MAPKAP1: variants seen among roughly 807,000 people sequenced by gnomAD.
The protein encoded by MAPKAP1 is MAPK associated protein 1, also known as target of rapamycin complex 2 subunit MAPKAP1.
Under a neutral mutation model 65.7 loss-of-function variants are expected in MAPKAP1, and 20 were observed. The observed-to-expected ratio is 0.30, with a 90% CI of 0.21 to 0.44. The LOEUF is 0.44. MAPKAP1 is among the 20% of genes least tolerant of loss of function. MAPKAP1 has a pLI of 1.00. For missense variants in MAPKAP1, 423 were observed against 648.0 expected, an observed-to-expected ratio of 0.65 and a Z score of 3.77; for synonymous variants, 222 against 244.3, an observed-to-expected ratio of 0.91 and a Z score of 0.85.
At chr9:125,592,247 G>C (rs1331081817) in intron 4 of MAPKAP1, among the ~76,000 whole-genome samples, 1 of 152,164 alleles carries the variant, frequency 6.6e-6, no homozygotes, top group South Asian at 2.1e-4. Flanking sequence ...CAGGCTAAAG[G>C]GGGCTAGTGA....
chr9:125,545,595 C>T (rs1024190515), intron 6 of MAPKAP1, among the ~76,000 whole-genome samples: 4 of 152,222 alleles, frequency 2.6e-5, no homozygotes, highest in Non-Finnish European at 5.9e-5. Flanking sequence ...AAACTGCTTA[C>T]GTTCCCTCCT....
intron 3 of MAPKAP1, among the ~76,000 whole-genome samples, chr9:125,667,101 G>A (rs530836937): frequency 3.6e-4 from 55 of 152,258 alleles, no homozygotes; most frequent in African/African-American, 1.3e-3. Context: ...TGTCTACAAT[G>A]GACAGTATGG....
chr9:125,607,809 C>T (rs1269972764), intron 4 of MAPKAP1, among the ~76,000 whole-genome samples: 1 of 152,200 alleles, frequency 6.6e-6, no homozygotes, highest in Admixed American at 6.5e-5. Context: ...GCATGTGCCA[C>T]CACACCCAGC....
At chr9:125,510,073 A>G (rs375781025) in intron 7 of MAPKAP1, among the ~76,000 whole-genome samples, 5 of 152,158 alleles carry the variant, frequency 3.3e-5, no homozygotes, top group African/African-American at 1.2e-4. Flanking sequence ...TATATACCTT[A>G]CCTTATTGAA....
In MAPKAP1 at chr9:125,438,481, C is replaced by T. The variant is rs747432377; in HGVS notation, c.*406G>A. ...ATCATACCAACCATGATAAAGAGTA[C>T]ACCTGTTTATTAAAAGGAAAAACAG... On this transcript the variant is annotated 3_prime_UTR_variant, in exon 12 of 12. Coordinates refer to ENST00000265960, the MANE Select transcript of MAPKAP1 (RefSeq NM_001006617.3). The T allele has an allele frequency of 1.3e-4, 53 of 409,188 alleles. No homozygotes were observed. In the East Asian group the frequency reaches 1.8e-3, roughly 14 times the overall value. The allele number at this position is 409,188 out of a possible 1,614,324, so 25.3% of individuals were successfully genotyped here. A position where few individuals can be genotyped will look rare whatever the true frequency, so the allele number is the denominator to read the frequency against.
At chr9:125,670,009 ATATG>A in intron 2 of MAPKAP1, 102 bp from the exon 3 acceptor site, 1 of 625,654 alleles carries the variant, frequency 1.6e-6, no homozygotes, top group Non-Finnish European at 2.7e-6. Context: ...TTTATATTGC[ATATG>A]TAGAGAAAAA....
At chr9:125,682,535 C>T (rs541865320) in intron 1 of MAPKAP1, among the ~76,000 whole-genome samples, 2 of 152,292 alleles carry the variant, frequency 1.3e-5, no homozygotes, top group African/African-American at 2.4e-5. Flanking sequence ...CCAACATTTC[C>T]AGCTGTTACA....
At chr9:125,622,741 G>T (rs1267348308) in intron 4 of MAPKAP1, among the ~76,000 whole-genome samples, 1 of 152,006 alleles carries the variant, frequency 6.6e-6, no homozygotes, top group Non-Finnish European at 1.5e-5. Flanking sequence ...ACTACACCTG[G>T]CCCAATATGT....
intron 5 of MAPKAP1, among the ~76,000 whole-genome samples, chr9:125,576,254 A>G (rs1368005401): frequency 2.0e-5 from 3 of 152,222 alleles, no homozygotes; most frequent in Non-Finnish European, 2.9e-5. Flanking sequence ...TTAGAGCTGC[A>G]CAAGAGTGAA....
chr9:125,502,466 G>A (rs1325006879), intron 8 of MAPKAP1, among the ~76,000 whole-genome samples: 1 of 152,110 alleles, frequency 6.6e-6, no homozygotes, highest in Non-Finnish European at 1.5e-5. Flanking sequence ...TACCATTTTA[G>A]TTATATCCTC....
intron 4 of MAPKAP1, among the ~76,000 whole-genome samples, chr9:125,614,824 T>C (rs1419579182): frequency 6.6e-6 from 1 of 152,186 alleles, no homozygotes; most frequent in African/African-American, 2.4e-5. Context: ...GGAAATATCC[T>C]AAATGGTGAA....
intron 1 of MAPKAP1, among the ~76,000 whole-genome samples, chr9:125,682,434 CA>C (rs1564615269): frequency 6.6e-6 from 1 of 152,180 alleles, no homozygotes; most frequent in Non-Finnish European, 1.5e-5. Context: ...TCTGTATTTT[CA>C]AAGTGTTTTG....
chr9:125,703,026 T>G (rs1045316140), intron 1 of MAPKAP1, among the ~76,000 whole-genome samples: 3 of 152,048 alleles, frequency 2.0e-5, no homozygotes, highest in Admixed American at 2.0e-4. Context: ...CTCTAAAAGT[T>G]AAATAAATAA....
chr9:125,702,334 A>C (rs1835625630), intron 1 of MAPKAP1, among the ~76,000 whole-genome samples: 1 of 152,052 alleles, frequency 6.6e-6, no homozygotes, highest in African/African-American at 2.4e-5. Flanking sequence ...CGGGAGTTCG[A>C]GACCAGCCTG....
chr9:125,670,410 T>C (rs1043395311), intron 2 of MAPKAP1, among the ~76,000 whole-genome samples: 5 of 152,224 alleles, frequency 3.3e-5, no homozygotes, highest in South Asian at 2.1e-4. Context: ...GTCAAAGCTA[T>C]ATAAATTAGC....
chr9:125,681,387 C>T (rs112241771), intron 1 of MAPKAP1, among the ~76,000 whole-genome samples: 3,132 of 152,316 alleles, frequency 0.021, 41 homozygotes, highest in South Asian at 0.041. Flanking sequence ...GCTCAGCCAT[C>T]TCTGTCATTC....
chr9:125,690,038 A>G (rs901909526), intron 1 of MAPKAP1, among the ~76,000 whole-genome samples: 16 of 151,622 alleles, frequency 1.1e-4, no homozygotes, highest in Admixed American at 3.9e-4. Flanking sequence ...CAGTGAGCCT[A>G]GATTGCGCCA....
chr9:125,466,924 G>A (rs549536143), intron 10 of MAPKAP1, among the ~76,000 whole-genome samples: 55 of 152,326 alleles, frequency 3.6e-4, no homozygotes, highest in Non-Finnish European at 6.0e-4. Flanking sequence ...TTTAGTCAGC[G>A]TTATCTCAAA....
intron 3 of MAPKAP1, among the ~76,000 whole-genome samples, chr9:125,659,093 A>G (rs1834114430): frequency 1.3e-5 from 2 of 152,228 alleles, no homozygotes; most frequent in Non-Finnish European, 2.9e-5. Flanking sequence ...GAATTAGACT[A>G]TAATTCAATT....
Sources: gnomAD v4.1 joint callset for allele counts (sites outside exome capture counted in the v4.1 genomes callset) on GRCh38, gnomAD v4.1.1 for gene constraint, MANE v1.5 for transcripts, NCBI Gene and HGNC (gene_info 2026-07-23, HGNC 2026-07-21) for gene names.